The following TEX9 variants were observed in gnomAD, a reference collection of about 807,000 sequenced individuals.
The protein encoded by TEX9 is testis-expressed protein 9.
TEX9 carries 74 observed loss-of-function variants against 59.6 expected under a neutral mutation model. The ratio of observed to expected loss-of-function variants is 1.24; its 90% CI spans 1.03 to 1.51. The LOEUF is 1.51. Among genes scored for constraint, TEX9 ranks in the 40% most tolerant of loss-of-function variants. TEX9 has a pLI of 0.00. For missense variants in TEX9, 522 were observed against 447.8 expected, an observed-to-expected ratio of 1.17 and a Z score of -1.49; for synonymous variants, 186 against 152.2, an observed-to-expected ratio of 1.22 and a Z score of -1.64.
chr15:56,423,074 C>G (rs1411163098), intron 10 of TEX9, among the ~76,000 whole-genome samples: 3 of 152,080 alleles, frequency 2.0e-5, no homozygotes, highest in African/African-American at 7.2e-5. Flanking sequence ...GCTTCCCAAC[C>G]TTTTGGCTAG....
intron 1 of TEX9, among the ~76,000 whole-genome samples, chr15:56,320,189 A>G (rs2045872072): frequency 6.6e-6 from 1 of 152,182 alleles, no homozygotes; most frequent in Admixed American, 6.5e-5. Context: ...ACTGCAATGG[A>G]ATTATTCTCT....
chr15:56,283,161 T>G (rs567736767), intron 1 of TEX9, among the ~76,000 whole-genome samples: 1 of 151,968 alleles, frequency 6.6e-6, no homozygotes, highest in African/African-American at 2.4e-5. Flanking sequence ...ATTGAGAGTT[T>G]GAAGGGACAC....
At chr15:56,303,307 C>A (rs1240999113) in intron 1 of TEX9, among the ~76,000 whole-genome samples, 1 of 152,062 alleles carries the variant, frequency 6.6e-6, no homozygotes, top group African/African-American at 2.4e-5. Flanking sequence ...ATATGTTAGG[C>A]CACAAAACAC....
chr15:56,368,065 G>A (rs1048506256), intron 2 of TEX9, among the ~76,000 whole-genome samples: 10 of 152,120 alleles, frequency 6.6e-5, no homozygotes, highest in African/African-American at 2.4e-4. Flanking sequence ...GAGCTTCCTT[G>A]TTTATGATTT....
In TEX9 at chr15:56,383,948, T is replaced by G. The variant is rs1388535269; in HGVS notation, c.184-4T>G. The G allele has an allele frequency of 1.2e-6, 2 of 1,609,342 alleles. No individual in the cohort carries two copies. Among genetic ancestry groups the G allele is most frequent in the Non-Finnish European group, 1.7e-6 (2 of 1,177,646 alleles). On this transcript the variant is annotated splice_region_variant and splice_polypyrimidine_tract_variant and intron_variant, in intron 3 of 12. Transcript: ENST00000352903. ...GATATATTACCTATCTTTACTCATT[T>G]AAGAGAGATCGGCAAGAAGTACGAT...
chr15:56,399,699 C>A (rs964949085), intron 9 of TEX9, among the ~76,000 whole-genome samples: 1 of 152,190 alleles, frequency 6.6e-6, no homozygotes, highest in African/African-American at 2.4e-5. Flanking sequence ...CTGTGACACA[C>A]CTCCCAGTAG....
chr15:56,420,691 A>T (rs550393978), intron 10 of TEX9, among the ~76,000 whole-genome samples: 18 of 152,034 alleles, frequency 1.2e-4, no homozygotes, highest in African/African-American at 4.1e-4. Flanking sequence ...TAAACACTGT[A>T]AATGTTTCTC....
intron 3 of TEX9, chr15:56,374,446 AAAT>A (rs1366168604): frequency 1.3e-5 from 2 of 152,192 alleles, no homozygotes; most frequent in Non-Finnish European, 2.9e-5. Context: ...TTTATGGGGT[AAAT>A]GAGATATTTT....
At chr15:56,353,228 T>C (rs1172297236) in intron 1 of TEX9, among the ~76,000 whole-genome samples, 1 of 152,182 alleles carries the variant, frequency 6.6e-6, no homozygotes, top group Non-Finnish European at 1.5e-5. Context: ...TTAATGTACA[T>C]GCTATAGTTT....
intron 1 of TEX9, among the ~76,000 whole-genome samples, chr15:56,283,049 GGTGTGTGTGTGTGTGT>G (rs3985761): frequency 6.7e-6 from 1 of 148,444 alleles, no homozygotes; most frequent in Non-Finnish European, 1.5e-5. Context: ...TACATTGTGT[GGTGTGTGTGTGTGTGT>G]GTGTGTGTGT....
chr15:56,324,551 AAT>A (rs1360333862), intron 1 of TEX9, among the ~76,000 whole-genome samples: 1 of 152,208 alleles, frequency 6.6e-6, no homozygotes, highest in Non-Finnish European at 1.5e-5. Flanking sequence ...TCATTGGTAA[AAT>A]ATATAGTATT....
chr15:56,373,478 G>A (rs766128420), exon 3 of TEX9: 41 of 1,579,678 alleles, frequency 2.6e-5, no homozygotes, highest in South Asian at 3.5e-5. Flanking sequence ...AACAGCTGAC[G>A]TGGTTCAACA....
the TEX9 span, among the ~76,000 whole-genome samples, chr15:56,458,088 T>A: frequency 6.6e-6 from 1 of 152,224 alleles, no homozygotes; most frequent in Non-Finnish European, 1.5e-5. Flanking sequence ...CCATGAATTA[T>A]GCTAAGTGAA....
intron 2 of TEX9, 25 bp downstream of exon 2, chr15:56,365,695 T>A: frequency 6.2e-7 from 1 of 1,613,654 alleles, no homozygotes; most frequent in Non-Finnish European, 8.5e-7. Context: ...GGTTGAACTT[T>A]TCCTTCTTTC....
the TEX9 span, among the ~76,000 whole-genome samples, chr15:56,458,113 A>C: frequency 2.0e-5 from 3 of 152,224 alleles, no homozygotes; most frequent in Admixed American, 6.5e-5. Context: ...GCTAATTCCA[A>C]AAGATTACAT....
chr15:56,392,610 T>C (rs1379919139), intron 7 of TEX9, among the ~76,000 whole-genome samples: 3 of 151,468 alleles, frequency 2.0e-5, no homozygotes. Flanking sequence ...AATTCTCTGA[T>C]TCTGTGAAAA....
intron 1 of TEX9, among the ~76,000 whole-genome samples, chr15:56,246,983 G>C (rs1288778639): frequency 6.6e-6 from 1 of 152,204 alleles, no homozygotes; most frequent in Non-Finnish European, 1.5e-5. Context: ...CTACAAGATG[G>C]ATTGTCAGCA....
At chr15:56,419,297 C>G (rs1214278776) in intron 10 of TEX9, among the ~76,000 whole-genome samples, 1 of 151,834 alleles carries the variant, frequency 6.6e-6, no homozygotes, top group Non-Finnish European at 1.5e-5. Context: ...TTTCTACAGA[C>G]CTTTTCTGTA....
intron 12 of TEX9, chr15:56,444,616 C>T: frequency 5.6e-6 from 9 of 1,613,084 alleles, no homozygotes; most frequent in Non-Finnish European, 7.6e-6. Context: ...GCATTCTCTT[C>T]CTTTATTATT....
Sources: gnomAD v4.1 joint callset for allele counts (sites outside exome capture counted in the v4.1 genomes callset) on GRCh38, gnomAD v4.1.1 for gene constraint, MANE v1.5 for transcripts, NCBI Gene and HGNC (gene_info 2026-07-23, HGNC 2026-07-21) for gene names.